The following HIVEP1 variants were observed in gnomAD, a reference collection of about 807,000 sequenced individuals.
HIVEP1 encodes the protein zinc finger protein 40.
In HIVEP1, 36 loss-of-function variants were observed where a neutral mutation model predicts 180.0. The observed-to-expected ratio is 0.20, with a 90% confidence interval of 0.15 to 0.26. The LOEUF is 0.26. Ranked by LOEUF, HIVEP1 falls within the 10% of genes least tolerant of loss-of-function variation. The pLI, the probability that HIVEP1 is intolerant of heterozygous loss-of-function variation, is 1.00. For missense variants in HIVEP1, 3,143 were observed against 3,268.7 expected, an observed-to-expected ratio of 0.96 and a Z score of 0.94; for synonymous variants, 1,239 against 1,239.0, an observed-to-expected ratio of 1.00 and a Z score of 0.00.
chr6:12,090,098 T>C (rs2327511), intron 3 of HIVEP1, among the ~76,000 whole-genome samples: 2 of 151,912 alleles, frequency 1.3e-5, no homozygotes, highest in African/African-American at 2.4e-5. Flanking sequence ...CCAAGTAATA[T>C]AAAAAAATAG....
At position 12,123,470 on chromosome 6, in the gene HIVEP1, A is replaced by T; in HGVS notation, c.3675A>T (p.Arg1225Ser). 6.2e-7 allele frequency: 1 copy of T among 1,614,148 alleles called. No homozygotes were observed. Among genetic ancestry groups the T allele is most frequent in the Non-Finnish European group, 8.5e-7 (1 of 1,180,020 alleles). The part of the protein sequence containing the change: ...SERHVLGQPS[R>S]LVRQHNIQVP... Reference sequence around the variant, plus strand: ...GACATGTGTTAGGACAGCCCTCAAGACTTGTCCGGCAGCACAACATCCAAG... The same window carrying T: ...GACATGTGTTAGGACAGCCCTCAAGTCTTGTCCGGCAGCACAACATCCAAG... Residue 1225 changes from arginine to serine, a missense_variant, in exon 4 of 9, where the codon AGA becomes AGT. Physicochemically the swap from Arg to Ser is moderately radical, Grantham distance 110. Transcript: ENST00000379388.
chr6:12,150,668 A>C (rs1214414523), intron 7 of HIVEP1, among the ~76,000 whole-genome samples: 1 of 152,234 alleles, frequency 6.6e-6, no homozygotes. Context: ...ATTTATACTT[A>C]AAGCAGTGCT....
chr6:12,044,766 C>T (rs1381300268), intron 2 of HIVEP1, among the ~76,000 whole-genome samples: 6 of 151,668 alleles, frequency 4.0e-5, no homozygotes, highest in Non-Finnish European at 7.4e-5. Context: ...CACTCAAAGC[C>T]AGTGCACCTG....
intron 2 of HIVEP1, among the ~76,000 whole-genome samples, chr6:12,082,622 C>T (rs975450161): frequency 6.6e-6 from 1 of 152,158 alleles, no homozygotes; most frequent in Non-Finnish European, 1.5e-5. Flanking sequence ...TCTGCTCTCT[C>T]TAGATTCATG....
Position 12,161,744 on chromosome 6 carries a change from T to C in HIVEP1, c.6793T>C (p.Ser2265Pro), listed in dbSNP as rs1388028439. 6.2e-7 allele frequency: 1 copy of C among 1,614,154 alleles called. No individual in the cohort carries two copies. Among genetic ancestry groups the C allele is most frequent in the Middle Eastern group, 1.6e-4 (1 of 6,062 alleles). Residue 2265 changes from serine to proline, a missense_variant, in exon 8 of 9, where the codon TCT (serine) becomes CCT (proline). By Grantham distance (74) the Ser-to-Pro change is moderately conservative (BLOSUM62 -1). Transcript: ENST00000379388. ...TRMTVLSTAQ[S>P]DYNRKTLSPG... ...AATGACTGTCCTGAGCACAGCACAG[T>C]CTGACTACAATAGGAAGACACTCTC...
the HIVEP1 span, among the ~76,000 whole-genome samples, chr6:12,192,347 G>A: frequency 2.0e-5 from 3 of 152,134 alleles, no homozygotes; most frequent in Non-Finnish European, 4.4e-5. Flanking sequence ...TGCAGTACAT[G>A]TGATATTTCA....
At chr6:12,177,697 C>A in the HIVEP1 span, among the ~76,000 whole-genome samples, 2 of 152,136 alleles carry the variant, frequency 1.3e-5, no homozygotes, top group African/African-American at 4.8e-5. Context: ...CCTTCTTGCT[C>A]TGAAATTTTG....
the HIVEP1 span, among the ~76,000 whole-genome samples, chr6:12,207,742 A>AAATAATAATAATAATAATAATAATAAT: frequency 0.16 from 21,411 of 137,874 alleles, 2,383 homozygotes; most frequent in South Asian, 0.26. Flanking sequence ...AGTCTCTACA[A>AAATAATAATAATAATAATAATAATAAT]AATAATAATA....
chr6:12,090,347 A>G (rs1773388106), intron 3 of HIVEP1, among the ~76,000 whole-genome samples: 1 of 152,162 alleles, frequency 6.6e-6, no homozygotes, highest in Admixed American at 6.5e-5. Flanking sequence ...GCCGTTTTAC[A>G]AAAAATAGCT....
intron 2 of HIVEP1, among the ~76,000 whole-genome samples, chr6:12,050,428 T>C (rs780173917): frequency 6.6e-6 from 1 of 151,754 alleles, no homozygotes; most frequent in Non-Finnish European, 1.5e-5. Context: ...TACTAAAAAT[T>C]CAAAAACACT....
At chr6:12,052,187 T>C (rs1770587860) in intron 2 of HIVEP1, among the ~76,000 whole-genome samples, 1 of 152,222 alleles carries the variant, frequency 6.6e-6, no homozygotes, top group South Asian at 2.1e-4. Context: ...GGCATATGTA[T>C]ACAGGCAGAT....
At chr6:12,010,637 A>C (rs1381933124), upstream of HIVEP1, among the ~76,000 whole-genome samples, 1 of 150,058 alleles carries the variant, frequency 6.7e-6, no homozygotes, top group Non-Finnish European at 1.5e-5. Flanking sequence ...ATTTTGTTTC[A>C]CCTTATTCCT....
At chr6:12,211,203 T>C in the HIVEP1 span, among the ~76,000 whole-genome samples, 2 of 130,482 alleles carry the variant, frequency 1.5e-5, no homozygotes, top group Non-Finnish European at 3.2e-5. Context: ...ATTGAGACCA[T>C]CCTGGCTAAC....
chr6:12,183,979 A>AGATAGATAGATAGAT, the HIVEP1 span, among the ~76,000 whole-genome samples: 4 of 56,356 alleles, frequency 7.1e-5, no homozygotes, highest in African/African-American at 3.1e-4. Flanking sequence ...TTGTAAAGAT[A>AGATAGATAGATAGAT]GATAGATAGA....
At chr6:12,115,822 G>A (rs1456565186) in intron 3 of HIVEP1, among the ~76,000 whole-genome samples, 3 of 152,076 alleles carry the variant, frequency 2.0e-5, no homozygotes, top group African/African-American at 7.2e-5. Context: ...ATAGAAGCCA[G>A]TGTACTTCCT....
the HIVEP1 span, among the ~76,000 whole-genome samples, chr6:12,207,118 A>G: frequency 6.6e-6 from 1 of 152,246 alleles, no homozygotes; most frequent in Non-Finnish European, 1.5e-5. Flanking sequence ...TTTTTAAGTC[A>G]GACAAATCAT....
Position 12,122,853 on chromosome 6 carries a change from G to A in HIVEP1, c.3058G>A (p.Gly1020Ser), listed in dbSNP as rs747062403. ...ILHYRVAGSS[G>S]IWEQTPQIRK... ...ACACTACAGAGTCGCTGGGTCCTCC[G>A]GCATCTGGGAACAGACGCCCCAGAT... Residue 1020 changes from glycine (G) to serine (S), a missense_variant, in exon 4 of 9, where the codon GGC becomes AGC. This residue lies in a region of HIVEP1 where 1,357 missense variants were observed against 1,260.5 expected (regional missense o/e 1.08). Coordinates refer to ENST00000379388, the MANE Select transcript of HIVEP1 (RefSeq NM_002114.4). The A allele has an allele frequency of 2.5e-5, 41 of 1,614,128 alleles. No individual in the cohort carries two copies. The highest frequency in any genetic ancestry group is 1.6e-4 in the Middle Eastern group (1 of 6,062).
intron 2 of HIVEP1, among the ~76,000 whole-genome samples, chr6:12,018,313 C>G (rs1034488070): frequency 1.3e-5 from 2 of 152,196 alleles, no homozygotes; most frequent in African/African-American, 4.8e-5. Context: ...CTGGCCTGGG[C>G]CATCCCAGGA....
intron 7 of HIVEP1, among the ~76,000 whole-genome samples, chr6:12,148,692 A>G (rs1177625339): frequency 6.6e-6 from 1 of 152,200 alleles, no homozygotes; most frequent in Non-Finnish European, 1.5e-5. Flanking sequence ...ATTCAGGACA[A>G]TCCTCTGGTT....
Sources: gnomAD v4.1 joint callset for allele counts (sites outside exome capture counted in the v4.1 genomes callset) on GRCh38, gnomAD v4.1.1 for gene constraint, gnomAD v4.1.1 regional missense constraint, MANE v1.5 for transcripts, NCBI Gene and HGNC (gene_info 2026-07-23, HGNC 2026-07-21) for gene names.